The following WNK2 variants were observed in gnomAD, a reference collection of about 807,000 sequenced individuals.
WNK2 encodes serine/threonine-protein kinase WNK2.
Under a neutral mutation model 192.1 loss-of-function variants are expected in WNK2, and 67 were observed. The ratio of observed to expected loss-of-function variants is 0.35; its 90% CI spans 0.29 to 0.43. The LOEUF (loss-of-function observed/expected upper bound fraction) is 0.43, where lower values mean the gene tolerates loss of function less well. Ranked by LOEUF, WNK2 falls within the 20% of genes least tolerant of loss-of-function variation. WNK2 has a pLI of 1.00. For missense variants in WNK2, 2,698 were observed against 3,089.7 expected (o/e 0.87, Z 3.01); for synonymous variants, 1,439 against 1,393.9 (o/e 1.03, Z -0.72).
chr9:93,296,945 C>G (rs1350544592), intron 23 of WNK2, among the ~76,000 whole-genome samples: 1 of 120,960 alleles, frequency 8.3e-6, no homozygotes, highest in African/African-American at 3.2e-5. Context: ...TTCCTCCCCT[C>G]TGTTTCCTCC....
At chr9:93,261,624 C>T (rs1844267437) in intron 12 of WNK2, among the ~76,000 whole-genome samples, 190 bp from the exon 13 acceptor site, 1 of 152,222 alleles carries the variant, frequency 6.6e-6, no homozygotes, top group Non-Finnish European at 1.5e-5. Context: ...GTGAGAATGA[C>T]CATTCCTGTT....
intron 4 of WNK2, among the ~76,000 whole-genome samples, chr9:93,233,422 A>C (rs549652718): frequency 6.6e-6 from 1 of 152,118 alleles, no homozygotes; most frequent in Non-Finnish European, 1.5e-5. Flanking sequence ...GTGGCCAGGC[A>C]CAGTGACTCA....
chr9:93,216,246 G>T (rs759976911), intron 2 of WNK2, among the ~76,000 whole-genome samples: 1 of 152,184 alleles, frequency 6.6e-6, no homozygotes, highest in African/African-American at 2.4e-5. Flanking sequence ...CTACTGCTTA[G>T]TGGTAATGCT....
intron 2 of WNK2, among the ~76,000 whole-genome samples, chr9:93,211,093 TTCAC>T (rs1195427706): frequency 6.6e-6 from 1 of 151,856 alleles, no homozygotes; most frequent in Non-Finnish European, 1.5e-5. Flanking sequence ...CATTTACTCA[TTCAC>T]TCACTCATCC....
In WNK2 at chr9:93,293,122, C is replaced by T. The variant is rs756166932; in HGVS notation, c.5657C>T (p.Ser1886Leu). The T allele has an allele frequency of 5.7e-6, 9 of 1,583,710 alleles. No homozygotes were observed. Among genetic ancestry groups the T allele is most frequent in the African/African-American group, 2.7e-5 (2 of 73,694 alleles). ...TCCTACATCAGCAGCGACAATGATT[C>T]GGAGCTCGAGGATGCTGACATAAAG... Reference protein sequence around the residue: ...QSSYISSDNDSELEDADIKKE... With the variant: ...QSSYISSDNDLELEDADIKKE... The change falls in exon 23 of 30, where the codon TCG (serine) becomes TTG (leucine). Residue 1886 changes from serine (S) to leucine (L), a missense_variant. By Grantham distance (145) the Ser-to-Leu change is moderately radical. Around this residue, in one of 7 missense-constraint regions of WNK2, gnomAD observed 1,098 missense variants for 1,101.0 expected, o/e 1.00. Transcript: ENST00000427277.
At chr9:93,301,234 G>C (rs1442593740) in intron 26 of WNK2, among the ~76,000 whole-genome samples, 2 of 152,224 alleles carry the variant, frequency 1.3e-5, no homozygotes, top group Non-Finnish European at 2.9e-5. Context: ...GGAAAATTAA[G>C]CTTTTTCAAC....
intron 2 of WNK2, among the ~76,000 whole-genome samples, chr9:93,210,888 C>T (rs973787711): frequency 2.0e-5 from 3 of 152,180 alleles, no homozygotes; most frequent in African/African-American, 7.2e-5. Context: ...CTATGGGAGC[C>T]CCAGGGACTT....
intron 8 of WNK2, among the ~76,000 whole-genome samples, chr9:93,248,554 A>T (rs1842112598): frequency 6.6e-6 from 1 of 152,200 alleles, no homozygotes; most frequent in Non-Finnish European, 1.5e-5. Flanking sequence ...CTAGGAACAG[A>T]GTGTGCTGCT....
intron 8 of WNK2, among the ~76,000 whole-genome samples, chr9:93,252,009 A>G (rs560115217): frequency 5.9e-5 from 9 of 152,382 alleles, no homozygotes; most frequent in Non-Finnish European, 1.3e-4. Context: ...CAGACACAGT[A>G]TTCTGAAATG....
At chr9:93,214,777 T>C (rs985602227) in intron 2 of WNK2, among the ~76,000 whole-genome samples, 8 of 149,108 alleles carry the variant, frequency 5.4e-5, no homozygotes, top group African/African-American at 1.7e-4. Context: ...TATACTGTAA[T>C]ATGCCCAGGT....
In WNK2 at chr9:93,297,886, G is replaced by T; in HGVS notation, c.5742G>T (p.Gln1914His). 2 of 1,592,910 alleles carry T rather than the reference G, an allele frequency of 1.3e-6. No homozygotes were observed. Among genetic ancestry groups the T allele is most frequent in the African/African-American group, 1.3e-5 (1 of 74,572 alleles). The change falls in exon 24 of 30, where the codon CAG (glutamine) becomes CAT (histidine). Residue 1914 changes from glutamine (Q) to histidine (H), a missense_variant. Around this residue, in one of 7 missense-constraint regions of WNK2, gnomAD observed 1,098 missense variants for 1,101.0 expected, o/e 1.00. Transcript: ENST00000427277. Reference sequence around the variant, plus strand: ...AGGAGATCTCGGAGCTGCAGAGCCAGCAGAAGCAGGAGATCGAAGCTCTGT... The same window carrying T: ...AGGAGATCTCGGAGCTGCAGAGCCATCAGAAGCAGGAGATCGAAGCTCTGT... Reference protein sequence around the residue: ...HLKEISELQSQQKQEIEALYR... With the variant: ...HLKEISELQSHQKQEIEALYR...
chr9:93,307,897 A>G lies in WNK2; in HGVS notation c.6260-431A>G, dbSNP rs374906681. 359 of 179,190 alleles carry G rather than the reference A, an allele frequency of 2.0e-3. 2 individuals are homozygous for G. The highest frequency in any genetic ancestry group is 3.9e-3 in the Admixed American group (69 of 17,900). 11.1% of individuals were successfully genotyped at this position (179,190 alleles called of 1,614,324 possible). ...CGGTACTCCACCGCCCCGCGTCCTC[A>G]TGTTACGGCTGAGGATGCACAGGCC... On this transcript the variant is annotated intron_variant, in intron 27 of 29. Transcript: ENST00000427277.
In WNK2 at chr9:93,318,425, C is replaced by T. The variant is rs373819150; in HGVS notation, c.6628+794C>T. 34 of 1,613,940 alleles carry T rather than the reference C, an allele frequency of 2.1e-5. No individual in the cohort carries two copies. The African/African-American group carries it at 2.9e-4, about 14-fold the overall frequency. On this transcript the variant is annotated intron_variant, in intron 29 of 29. Transcript: ENST00000427277. ...ATCCAGGGGCTGAGAGACGGCGGGA[C>T]GCTGGGGCAGGGCACACTGGCGGAG...
chr9:93,186,987 AT>A (rs1490586949), intron 2 of WNK2, among the ~76,000 whole-genome samples: 3 of 152,086 alleles, frequency 2.0e-5, no homozygotes, highest in Non-Finnish European at 4.4e-5. Context: ...TGTGCTGGGC[AT>A]TCCTGCTGCA....
At position 93,259,711 on chromosome 9, in the gene WNK2, C is replaced by G; in HGVS notation, c.3066+97C>G. On this transcript the variant is annotated intron_variant, in intron 12 of 29. Coordinates refer to ENST00000427277, the MANE Select transcript of WNK2 (RefSeq NM_006648.4). This position sits in a 1 kb window ranked among gnomAD's most constrained non-coding sequence, Gnocchi z 4.8. ...GGACAGAGGCAGGCAAGGAGGCAGC[C>G]CTGCCTGGGGTCGCCCCTCTCAGGA... 1.6e-6 allele frequency: 2 copies of G among 1,232,884 alleles called. No homozygotes were observed. The highest frequency in any genetic ancestry group is 1.6e-5 in the South Asian group (1 of 63,606). The allele number at this position is 1,232,884 out of a possible 1,614,324, so 76.4% of individuals were successfully genotyped here. A position where few individuals can be genotyped will look rare whatever the true frequency, so the allele number is the denominator to read the frequency against.
At chr9:93,320,070 G>T (rs956359420) in intron 29 of WNK2, among the ~76,000 whole-genome samples, 23 of 152,196 alleles carry the variant, frequency 1.5e-4, no homozygotes, top group Non-Finnish European at 2.5e-4. Context: ...CTCCTGTTTT[G>T]GGTGTTGGAG....
intron 19 of WNK2, among the ~76,000 whole-genome samples, chr9:93,287,787 G>A (rs905620737): frequency 4.6e-5 from 7 of 152,226 alleles, no homozygotes; most frequent in Non-Finnish European, 5.9e-5. Context: ...TGGGCTGGGC[G>A]TGGGGGCTCA....
At position 93,266,090 on chromosome 9, in the gene WNK2, C is replaced by T. The variant is rs563700511; in HGVS notation, c.3697-1656C>T. 1.2e-4 allele frequency among the ~76,000 whole-genome samples: 18 copies of T among 152,296 alleles called. No individual in the cohort carries two copies. In the South Asian group the frequency reaches 3.5e-3, roughly 30 times the overall value. ...TGGTCCATAAAAACAGCCCAGCAGCCCTCCTCCTCACAGCCCATTCCTATC... is the reference window on the plus strand; with the variant it reads ...TGGTCCATAAAAACAGCCCAGCAGCTCTCCTCCTCACAGCCCATTCCTATC... On this transcript the variant is annotated intron_variant, in intron 16 of 29. Transcript: ENST00000427277.
chr9:93,211,257 T>TCCAC (rs373643754), intron 2 of WNK2, among the ~76,000 whole-genome samples: 158 of 3,186 alleles, frequency 0.05, 33 homozygotes, highest in South Asian at 0.071. Flanking sequence ...CACTCACTCA[T>TCCAC]TCACTCATTC....
Sources: gnomAD v4.1 joint callset for allele counts (sites outside exome capture counted in the v4.1 genomes callset) on GRCh38, gnomAD v4.1.1 for gene constraint, gnomAD v4.1.1 regional missense constraint, Gnocchi (gnomAD v3.1) non-coding constraint, MANE v1.5 for transcripts, NCBI Gene and HGNC (gene_info 2026-07-23, HGNC 2026-07-21) for gene names.